The following NLRP1 variants were observed in gnomAD, a reference collection of about 807,000 sequenced individuals.
The protein encoded by NLRP1 is NACHT, LRR and PYD domains-containing protein 1.
Under a neutral mutation model 136.7 loss-of-function variants are expected in NLRP1, and 94 were observed. That is an observed-to-expected ratio of 0.69 (90% CI 0.58 to 0.82). NLRP1 has a LOEUF of 0.82. Among genes scored for constraint, NLRP1 ranks in the 40% least tolerant of loss-of-function variants. The pLI is 0.00. For synonymous variants in NLRP1, 690 were observed against 725.1 expected (o/e 0.95, Z 0.78); for missense variants, 1,575 against 1,802.7 (o/e 0.87, Z 2.29).
intron 12 of NLRP1, among the ~76,000 whole-genome samples, chr17:5,523,985 G>A (rs11657352): frequency 0.059 from 8,955 of 152,244 alleles, 315 homozygotes; most frequent in Middle Eastern, 0.099. Flanking sequence ...GTACAGTGGT[G>A]TGATCTTGGC....
rs1318734905 is a variant in NLRP1 at position 5,539,435 on chromosome 17, G to A, written c.2850C>T (p.Ala950=). 2 of 1,613,462 alleles carry A rather than the reference G, an allele frequency of 1.2e-6. No individual in the cohort carries two copies. Among genetic ancestry groups the A allele is most frequent in the Non-Finnish European group, 8.5e-7 (1 of 1,179,718 alleles). Residue 950 remains alanine, a synonymous_variant, in exon 7 of 17, where the codon GCC becomes GCT. Coordinates refer to ENST00000572272, the MANE Select transcript of NLRP1 (RefSeq NM_033004.4). ...RLLCEGLRHP[A]CKLIRLGLDQ... is the part of the protein sequence containing the mutation. ...CTTACCCCAGGCGTATGAGTTTGCA[G>A]GCAGGATGCCTGAGCCCCTCACAGA...
intron 3 of NLRP1, among the ~76,000 whole-genome samples, chr17:5,564,776 T>C (rs1915152223): frequency 6.7e-6 from 1 of 149,092 alleles, no homozygotes; most frequent in Admixed American, 6.7e-5. Context: ...CTTGCTCTGT[T>C]GCCCAGGCTG....
rs746882465 is a variant in NLRP1, at chr17:5,514,797, C to A, written c.4379G>T (p.Trp1460Leu). 1 of 1,614,128 alleles carries A rather than the reference C, an allele frequency of 6.2e-7. No individual in the cohort carries two copies. Residue 1460 changes from tryptophan to leucine, a missense_variant, in exon 17 of 17, where the codon TGG (tryptophan) becomes TTG (leucine). Coordinates refer to ENST00000572272, the MANE Select transcript of NLRP1 (RefSeq NM_033004.4). Reference protein sequence around the residue: ...ETHPHLIMELWEKGSKKGLLP... With the variant: ...ETHPHLIMELLEKGSKKGLLP... ...GAGTCCCTTTTTGCTGCCCTTCTCC[C>A]AGAGTTCCATAATGAGGTGAGGATG...
chr17:5,565,869 T>C (rs1388467416), intron 3 of NLRP1, among the ~76,000 whole-genome samples: 1 of 152,186 alleles, frequency 6.6e-6, no homozygotes, highest in Non-Finnish European at 1.5e-5. Context: ...TTGTTATTGG[T>C]CTGTTTAGGT....
intron 10 of NLRP1, 54 bp from the exon 11 acceptor site, chr17:5,533,038 G>T: frequency 6.5e-7 from 1 of 1,543,988 alleles, no homozygotes; most frequent in Non-Finnish European, 8.7e-7. Flanking sequence ...GCCTCCCCTA[G>T]CCCCTATGGC....
intron 15 of NLRP1, chr17:5,502,078 C>G (rs1907118836): frequency 1.9e-6 from 1 of 520,386 alleles, no homozygotes; most frequent in East Asian, 3.6e-5. Context: ...CTCTATCCTA[C>G]AGCGTTGCCA....
chr17:5,524,829 C>A (rs981910401), intron 12 of NLRP1, among the ~76,000 whole-genome samples: 1 of 152,204 alleles, frequency 6.6e-6, no homozygotes, highest in Non-Finnish European at 1.5e-5. Context: ...GTGTCTCCAA[C>A]TTACCTTCTT....
intron 5 of NLRP1, among the ~76,000 whole-genome samples, chr17:5,547,157 G>T (rs914582387): frequency 1.1e-4 from 16 of 152,000 alleles, no homozygotes; most frequent in African/African-American, 3.9e-4. Context: ...ATGAACCTAA[G>T]TACATAGCAT....
intron 12 of NLRP1, among the ~76,000 whole-genome samples, chr17:5,527,048 G>A (rs1008902636): frequency 6.6e-6 from 1 of 152,224 alleles, no homozygotes; most frequent in Admixed American, 6.5e-5. Flanking sequence ...CAGGCAGCAA[G>A]CATTTCTGGA....
Position 5,558,683 on chromosome 17 carries a change from TG to T in NLRP1, c.2012del (p.Thr671AsnfsTer8). The T allele has an allele frequency of 6.2e-7, 1 of 1,614,100 alleles. No individual in the cohort carries two copies. The highest frequency in any genetic ancestry group is 1.1e-5 in the South Asian group (1 of 91,076). On this transcript the variant is annotated frameshift_variant, in exon 4 of 17. Coordinates refer to ENST00000572272, the MANE Select transcript of NLRP1 (RefSeq NM_033004.4). LOFTEE classifies it high-confidence loss of function. Reference sequence around the variant, plus strand: ...CACTTAACAGGCCCAATAGGAAACGTGTGGTTGATGCCCCAAACAGGCCATG... The same window carrying T: ...CACTTAACAGGCCCAATAGGAAACGTTGGTTGATGCCCCAAACAGGCCATG... ...GIHGLFGASTTRFLLGLLSDE... is the reference protein window; with the variant it reads ...GIHGLFGASTXRFLLGLLSDE...
At chr17:5,509,453 G>A (rs186499241), downstream of NLRP1, among the ~76,000 whole-genome samples, 11 of 152,204 alleles carry the variant, frequency 7.2e-5, no homozygotes, top group South Asian at 2.1e-4. Flanking sequence ...GGCCTCTATC[G>A]GATTCTAGCA....
At chr17:5,556,468 CA>C (rs35427956) in intron 4 of NLRP1, among the ~76,000 whole-genome samples, 18,459 of 129,490 alleles carry the variant, frequency 0.14, 1,916 homozygotes, top group East Asian at 0.57. Context: ...AACAACAAAC[CA>C]AAAAAAAAAA....
At chr17:5,536,492 C>T (rs537726735) in intron 8 of NLRP1, among the ~76,000 whole-genome samples, 24 of 149,088 alleles carry the variant, frequency 1.6e-4, no homozygotes, top group Admixed American at 4.7e-4. Context: ...GCTCTGCCAC[C>T]CAGACTGGAG....
chr17:5,516,833 C>T (rs1187245043), intron 15 of NLRP1, among the ~76,000 whole-genome samples: 2 of 152,206 alleles, frequency 1.3e-5, no homozygotes, highest in Admixed American at 6.5e-5. Flanking sequence ...TTCCACTACA[C>T]TGTGAAGCCA....
At chr17:5,526,997 G>T (rs940504130) in intron 12 of NLRP1, among the ~76,000 whole-genome samples, 1 of 152,214 alleles carries the variant, frequency 6.6e-6, no homozygotes, top group Non-Finnish European at 1.5e-5. Context: ...AGGCAGTGAG[G>T]TCATCGTTTC....
intron 11 of NLRP1, among the ~76,000 whole-genome samples, chr17:5,532,490 C>G (rs1378913963): frequency 6.6e-6 from 1 of 151,204 alleles, no homozygotes; most frequent in Admixed American, 6.6e-5. Context: ...ATTTAAAATA[C>G]TGTAACAATA....
chr17:5,511,177 TCCCAG>T (rs1363061107), downstream of NLRP1, among the ~76,000 whole-genome samples: 1 of 152,084 alleles, frequency 6.6e-6, no homozygotes, highest in Non-Finnish European at 1.5e-5. Context: ...ACACTTGTAA[TCCCAG>T]CACTTTAGGA....
At chr17:5,547,461 G>T (rs71368563) in intron 5 of NLRP1, among the ~76,000 whole-genome samples, 7,192 of 152,242 alleles carry the variant, frequency 0.047, 199 homozygotes, top group Middle Eastern at 0.085. Flanking sequence ...TCTGGCTCCA[G>T]GGAATGTCCT....
chr17:5,526,510 C>T (rs1293925943), intron 12 of NLRP1, among the ~76,000 whole-genome samples: 2 of 152,140 alleles, frequency 1.3e-5, no homozygotes, highest in East Asian at 1.9e-4. Context: ...CTTGTTCCCA[C>T]AGGCAGCACA....
Sources: allele counts gnomAD v4.1 joint callset (sites outside exome capture counted in the v4.1 genomes callset), GRCh38; gene constraint gnomAD v4.1.1; transcripts MANE v1.5; gene names NCBI Gene and HGNC (gene_info 2026-07-23, HGNC 2026-07-21).